The following KCTD1 variants were observed in gnomAD, a reference collection of about 807,000 sequenced individuals.
The protein encoded by KCTD1 is potassium channel tetramerization domain containing 1, also known as BTB/POZ domain-containing protein KCTD1.
In KCTD1, 24 loss-of-function variants were observed where a neutral mutation model predicts 66.0. The ratio of observed to expected loss-of-function variants is 0.36; its 90% CI spans 0.26 to 0.51. The LOEUF (loss-of-function observed/expected upper bound fraction) is 0.51, where lower values mean the gene tolerates loss of function less well. Ranked by LOEUF, KCTD1 falls within the 20% of genes least tolerant of loss-of-function variation. The pLI is 0.95. For missense variants in KCTD1, 943 were observed against 1,205.2 expected, an observed-to-expected ratio of 0.78 and a Z score of 3.22; for synonymous variants, 511 against 517.2, an observed-to-expected ratio of 0.99 and a Z score of 0.16.
At chr18:26,597,204 C>A (rs1041332706) in intron 1 of KCTD1, among the ~76,000 whole-genome samples, 1 of 151,960 alleles carries the variant, frequency 6.6e-6, no homozygotes, top group African/African-American at 2.4e-5. Flanking sequence ...AGAGAGGGAA[C>A]ACCGAGATGA....
chr18:26,610,745 A>G (rs369214634), intron 1 of KCTD1, among the ~76,000 whole-genome samples: 4 of 152,224 alleles, frequency 2.6e-5, no homozygotes, highest in African/African-American at 7.2e-5. Flanking sequence ...CTATCTTTTT[A>G]CTACTCAATG....
intron 1 of KCTD1, among the ~76,000 whole-genome samples, chr18:26,595,741 A>T (rs1986750833): frequency 1.3e-5 from 2 of 152,198 alleles, no homozygotes; most frequent in Admixed American, 1.3e-4. Context: ...AAGCTTTAAC[A>T]TTAGAAATGT....
chr18:26,521,207 C>T (rs1398528030), intron 1 of KCTD1, among the ~76,000 whole-genome samples: 2 of 152,226 alleles, frequency 1.3e-5, no homozygotes, highest in Non-Finnish European at 2.9e-5. Context: ...GCCTGCGAGT[C>T]TGCTAATCAC....
chr18:26,548,741 A>G (rs1249808775), upstream of KCTD1: 18 of 1,051,942 alleles, frequency 1.7e-5, no homozygotes, highest in Non-Finnish European at 2.1e-5. Flanking sequence ...AGGGGGGGAC[A>G]AGTTAGACCG....
chr18:26,627,423 C>G (rs1987527198), intron 1 of KCTD1, among the ~76,000 whole-genome samples: 1 of 152,102 alleles, frequency 6.6e-6, no homozygotes, highest in Non-Finnish European at 1.5e-5. Flanking sequence ...GTACAATTGT[C>G]ATTCATTGTG....
intron 1 of KCTD1, among the ~76,000 whole-genome samples, chr18:26,502,384 G>C (rs766291591): frequency 6.6e-6 from 1 of 152,094 alleles, no homozygotes; most frequent in Non-Finnish European, 1.5e-5. Context: ...GTAGAAACAG[G>C]GTTTTTCCAT....
intron 1 of KCTD1, among the ~76,000 whole-genome samples, chr18:26,594,920 A>C (rs1181893274): frequency 6.6e-6 from 1 of 152,100 alleles, no homozygotes; most frequent in Non-Finnish European, 1.5e-5. Context: ...TTTGGGACTT[A>C]GCAGCCCTCA....
chr18:26,500,175 C>T (rs998543661), intron 2 of KCTD1, among the ~76,000 whole-genome samples: 5 of 151,826 alleles, frequency 3.3e-5, no homozygotes, highest in African/African-American at 7.3e-5. Flanking sequence ...CCAGCACTTT[C>T]GGAGGCTGAG....
intron 1 of KCTD1, among the ~76,000 whole-genome samples, chr18:26,622,329 C>T (rs559243169): frequency 6.3e-4 from 96 of 152,336 alleles, no homozygotes; most frequent in African/African-American, 2.2e-3. Flanking sequence ...TCAAGCTCTA[C>T]ATTCTGAGGT....
At chr18:26,625,718 A>G (rs1288732601) in intron 1 of KCTD1, among the ~76,000 whole-genome samples, 2 of 152,240 alleles carry the variant, frequency 1.3e-5, no homozygotes, top group East Asian at 3.8e-4. Context: ...ATGCTACAAG[A>G]AGCCCCATTC....
rs111416292 is a variant in KCTD1, at chr18:26,529,423, T to C, written c.1809+17305A>G. Among the ~76,000 whole-genome samples, 4 of 152,366 alleles carry C rather than the reference T, an allele frequency of 2.6e-5. 1 individual carries two copies. Among genetic ancestry groups the C allele is most frequent in the East Asian group, 3.9e-4 (2 of 5,188 alleles). ...CTACAAGCCCGTGAACTTTCTTTTC[T>C]AGAATATTCTGGAATGTTCCATGTT... On this transcript the variant is annotated intron_variant, in intron 1 of 4. Transcript: ENST00000580059.
At chr18:26,497,838 C>G (rs556261065) in intron 2 of KCTD1, among the ~76,000 whole-genome samples, 2 of 152,168 alleles carry the variant, frequency 1.3e-5, no homozygotes, top group South Asian at 4.1e-4. Context: ...AACTTGTGAC[C>G]GGCTGGGGTA....
rs1986850619 is a variant in KCTD1 at position 26,599,897 on chromosome 18, A to G, written c.-16+29250T>C. On this transcript the variant is annotated intron_variant, in intron 1 of 4. Transcript: ENST00000317932. ...GTTCAGATCACAGGCAAAAAGCAAA[A>G]CTTTGAAGTGGGTTCTTCTAGTCAG... The G allele has an allele frequency of 2.6e-6, 4 of 1,557,738 alleles. No individual in the cohort carries two copies. In the Admixed American group the frequency reaches 6.7e-5, roughly 26 times the overall value.
chr18:26,575,299 A>G (rs1273794404), intron 1 of KCTD1: 1 of 152,198 alleles, frequency 6.6e-6, no homozygotes, highest in Non-Finnish European at 1.5e-5. Context: ...GAGTCGTGGC[A>G]ACTCGGATAC....
intron 2 of KCTD1, among the ~76,000 whole-genome samples, chr18:26,485,330 G>A (rs919379418): frequency 3.3e-5 from 5 of 152,142 alleles, no homozygotes; most frequent in African/African-American, 1.2e-4. Flanking sequence ...CAGCTGGACC[G>A]CAGGGCCCAG....
rs137857878 is a variant in KCTD1 at position 26,555,487 on chromosome 18, C to T, written c.-15-54237G>A. ...TTTTAAGAATGCAATTATTAGGCAA[C>T]GTCTTCAAAAGCCATGAAAATGTTC... On this transcript the variant is annotated intron_variant, in intron 1 of 4. Transcript: ENST00000317932. 4.2e-4 allele frequency among the ~76,000 whole-genome samples: 64 copies of T among 152,282 alleles called. 1 individual carries two copies. In the East Asian group the frequency reaches 0.011, roughly 27 times the overall value.
chr18:26,604,478 T>C (rs1568007095), intron 1 of KCTD1, among the ~76,000 whole-genome samples: 2 of 152,336 alleles, frequency 1.3e-5, no homozygotes, highest in East Asian at 3.9e-4. Context: ...ACTGCAGGAC[T>C]ATTCACAATA....
intron 1 of KCTD1, among the ~76,000 whole-genome samples, chr18:26,593,658 AGAGGAGGAGGAGGAAGAT>A (rs1568003883): frequency 3.2e-5 from 2 of 62,130 alleles, no homozygotes; most frequent in Admixed American, 1.5e-4. Context: ...AAGAGGAGGA[AGAGGAGGAGGAGGAAGAT>A]GAGGAGGAGG....
chr18:26,655,717 G>T (rs1036369163), intron 1 of KCTD1: 1 of 152,160 alleles, frequency 6.6e-6, no homozygotes, highest in African/African-American at 2.4e-5. Flanking sequence ...AAAACGTTTT[G>T]ATACCAGAAA....
Sources: gnomAD v4.1 joint callset for allele counts (sites outside exome capture counted in the v4.1 genomes callset) on GRCh38, gnomAD v4.1.1 for gene constraint, MANE v1.5 for transcripts, NCBI Gene and HGNC (gene_info 2026-07-23, HGNC 2026-07-21) for gene names.